The following ADARB2 variants were observed in gnomAD, a reference collection of about 807,000 sequenced individuals.
ADARB2 encodes the protein adenosine deaminase RNA specific B2 (inactive), also known as inactive double-stranded RNA-specific editase B2.
A neutral mutation model predicts 62.2 loss-of-function variants in ADARB2; 25 were observed. The observed-to-expected ratio is 0.40, with a 90% CI of 0.29 to 0.56. The LOEUF (loss-of-function observed/expected upper bound fraction) is 0.56, where lower values mean the gene tolerates loss of function less well. ADARB2 is among the 20% of genes least tolerant of loss of function. The pLI, the probability that ADARB2 is intolerant of heterozygous loss-of-function variation, is 0.43. For missense variants in ADARB2, 1,071 were observed against 1,077.4 expected (o/e 0.99, Z 0.08); for synonymous variants, 572 against 500.8 (o/e 1.14, Z -1.90).
intron 3 of ADARB2, among the ~76,000 whole-genome samples, chr10:1,351,611 C>T (rs1832141669): frequency 6.6e-6 from 1 of 151,970 alleles, no homozygotes; most frequent in East Asian, 1.9e-4. Context: ...TTGTATCTCC[C>T]CACCTTAACC....
At chr10:1,200,588 T>C (rs1176764001) in intron 7 of ADARB2, among the ~76,000 whole-genome samples, 2 of 152,132 alleles carry the variant, frequency 1.3e-5, no homozygotes, top group African/African-American at 4.8e-5. Context: ...AATGACCTAT[T>C]GTGTTGAAAT....
intron 2 of ADARB2, among the ~76,000 whole-genome samples, chr10:1,373,942 A>G (rs1044395350): frequency 4.3e-5 from 6 of 140,776 alleles, no homozygotes; most frequent in Admixed American, 6.9e-5. Flanking sequence ...TTCCTAGTGA[A>G]ACCGCGTGGG....
At chr10:1,566,063 CAAAAAAAAAAAAAAAAAAAAAAAAAAA>C (rs376967105) in intron 1 of ADARB2, among the ~76,000 whole-genome samples, 1 of 128,040 alleles carries the variant, frequency 7.8e-6, no homozygotes, top group African/African-American at 3.0e-5. Flanking sequence ...CTCAGTCTAG[CAAAAAAAAAAAAAAAAAAAAAAAAAAA>C]AAAAAAAAAA....
chr10:1,316,904 G>T (rs1003049375), intron 3 of ADARB2, among the ~76,000 whole-genome samples: 1 of 152,234 alleles, frequency 6.6e-6, no homozygotes, highest in African/African-American at 2.4e-5. Flanking sequence ...GCATAAGGTT[G>T]CAGTTTTGTG....
chr10:1,544,439 G>A (rs1404471601), intron 1 of ADARB2, among the ~76,000 whole-genome samples: 1 of 152,214 alleles, frequency 6.6e-6, no homozygotes, highest in Non-Finnish European at 1.5e-5. Flanking sequence ...GGGGTCTGTG[G>A]CTTTTCACAC....
Position 1,576,220 on chromosome 10 carries a change from G to A in ADARB2, c.100+160831C>T, listed in dbSNP as rs1933735219. ...TCACTGGAGGAGCTCAGGGTCACAG[G>A]ACAGGTCTCAGGGTCACAGGAGGTG... On this transcript the variant is annotated intron_variant, in intron 1 of 9. Coordinates refer to ENST00000381312, the MANE Select transcript of ADARB2 (RefSeq NM_018702.4). Among the ~76,000 whole-genome samples the A allele has an allele frequency of 4.0e-5, 6 of 150,950 alleles. No individual in the cohort carries two copies. In the South Asian group the frequency reaches 1.3e-3, roughly 32 times the overall value.
At chr10:1,359,856 T>C (rs1469271524) in intron 3 of ADARB2, among the ~76,000 whole-genome samples, 1 of 152,232 alleles carries the variant, frequency 6.6e-6, no homozygotes, top group African/African-American at 2.4e-5. Flanking sequence ...GAGAACCTAC[T>C]GGGTTCTTGC....
chr10:1,420,426 C>T (rs990398737), intron 1 of ADARB2, among the ~76,000 whole-genome samples: 1 of 152,126 alleles, frequency 6.6e-6, no homozygotes, highest in Admixed American at 6.5e-5. Context: ...TGGCTGTATT[C>T]ATCTAATTAT....
chr10:1,411,917 A>G (rs1168707311), intron 1 of ADARB2, among the ~76,000 whole-genome samples: 1 of 152,264 alleles, frequency 6.6e-6, no homozygotes, highest in African/African-American at 2.4e-5. Flanking sequence ...ATTTCTATAC[A>G]TAAAGACCTG....
intron 1 of ADARB2, among the ~76,000 whole-genome samples, chr10:1,631,170 G>A (rs1174652160): frequency 1.3e-5 from 2 of 152,118 alleles, no homozygotes; most frequent in African/African-American, 2.4e-5. Context: ...GATGTGCCAG[G>A]TGCCTCCACG....
At chr10:1,443,550 T>C (rs1301346760) in intron 1 of ADARB2, among the ~76,000 whole-genome samples, 2 of 152,180 alleles carry the variant, frequency 1.3e-5, no homozygotes, top group African/African-American at 4.8e-5. Flanking sequence ...ATCGCCTCTG[T>C]GTGTGGGACC....
At chr10:1,373,134 A>C (rs1042542509) in intron 2 of ADARB2, among the ~76,000 whole-genome samples, 3 of 152,220 alleles carry the variant, frequency 2.0e-5, no homozygotes, top group Non-Finnish European at 4.4e-5. Flanking sequence ...TAGAAAAAAC[A>C]ATCCTAAAGT....
intron 1 of ADARB2, among the ~76,000 whole-genome samples, chr10:1,541,125 C>G (rs79155582): frequency 3.3e-5 from 1 of 29,936 alleles, no homozygotes; most frequent in African/African-American, 1.0e-4. Flanking sequence ...CACTCAGACG[C>G]AGTTCAGACC....
In ADARB2 at chr10:1,281,041, G is replaced by C. The variant is rs181627632; in HGVS notation, c.1078-9972C>G. On this transcript the variant is annotated intron_variant, in intron 3 of 9. Coordinates refer to ENST00000381312, the MANE Select transcript of ADARB2 (RefSeq NM_018702.4). ...AGAAGAGAGAAATCCATGAGAAAAA[G>C]ACAAAGAAAACGTGGCAATCAAATT... Among the ~76,000 whole-genome samples the C allele has an allele frequency of 2.5e-4, 38 of 152,324 alleles. 1 individual carries two copies. Among genetic ancestry groups the C allele is most frequent in the African/African-American group, 8.7e-4 (36 of 41,574 alleles).
At chr10:1,574,187 G>T (rs1458230765) in intron 1 of ADARB2, among the ~76,000 whole-genome samples, 9 of 152,200 alleles carry the variant, frequency 5.9e-5, no homozygotes, top group Admixed American at 3.9e-4. Flanking sequence ...AGTGATGTGG[G>T]CCGAGAGCAC....
At chr10:1,233,185 C>T (rs766399215) in intron 6 of ADARB2, among the ~76,000 whole-genome samples, 7 of 152,148 alleles carry the variant, frequency 4.6e-5, no homozygotes, top group South Asian at 4.1e-4. Flanking sequence ...TGCGTGGATG[C>T]GTTCTGTCTC....
At chr10:1,342,543 G>A (rs959923355) in intron 3 of ADARB2, among the ~76,000 whole-genome samples, 4 of 152,182 alleles carry the variant, frequency 2.6e-5, no homozygotes, top group Non-Finnish European at 4.4e-5. Context: ...CTTGGAGATC[G>A]CAGACCCATG....
At chr10:1,286,444 G>A (rs1386642052) in intron 3 of ADARB2, among the ~76,000 whole-genome samples, 1 of 152,132 alleles carries the variant, frequency 6.6e-6, no homozygotes, top group African/African-American at 2.4e-5. Context: ...GGTAAAAACC[G>A]ATGTCCAACC....
At chr10:1,185,090 G>A (rs1283935933) in intron 8 of ADARB2, 51 bp from the exon 9 acceptor site, 8 of 1,573,370 alleles carry the variant, frequency 5.1e-6, no homozygotes, top group Non-Finnish European at 6.9e-6. Flanking sequence ...GCCTCACACG[G>A]GGCTCCCCCA....
Sources: gnomAD v4.1 joint callset for allele counts (sites outside exome capture counted in the v4.1 genomes callset) on GRCh38, gnomAD v4.1.1 for gene constraint, MANE v1.5 for transcripts, NCBI Gene and HGNC (gene_info 2026-07-23, HGNC 2026-07-21) for gene names.